L3MBTL4: variants seen among roughly 807,000 people sequenced by gnomAD.
L3MBTL4 encodes L3MBTL histone methyl-lysine binding protein 4, also known as lethal(3)malignant brain tumor-like protein 4.
In L3MBTL4, 70 loss-of-function variants were observed where a neutral mutation model predicts 84.5. The ratio of observed to expected loss-of-function variants is 0.83; its 90% CI spans 0.68 to 1.01. L3MBTL4 has a LOEUF of 1.01. Among genes scored for constraint, L3MBTL4 ranks in the 50% least tolerant of loss-of-function variants. L3MBTL4 has a pLI of 0.00. For synonymous variants in L3MBTL4, 274 were observed against 259.8 expected, an observed-to-expected ratio of 1.05 and a Z score of -0.52; for missense variants, 715 against 754.8, an observed-to-expected ratio of 0.95 and a Z score of 0.62.
chr18:6,405,411 C>T (rs2055686850), intron 1 of L3MBTL4, among the ~76,000 whole-genome samples: 1 of 152,232 alleles, frequency 6.6e-6, no homozygotes, highest in South Asian at 2.1e-4. Context: ...GCGACCTGCA[C>T]AAACAGCTCC....
chr18:6,171,714 T>A, intron 13 of L3MBTL4, 114 bp downstream of exon 13: 1 of 571,286 alleles, frequency 1.8e-6, no homozygotes, highest in East Asian at 3.1e-5. Flanking sequence ...TAGTGATTAA[T>A]TCGCCTATGT....
chr18:6,107,621 A>C (rs919600980), intron 14 of L3MBTL4, among the ~76,000 whole-genome samples: 1 of 152,214 alleles, frequency 6.6e-6, no homozygotes, highest in African/African-American at 2.4e-5. Flanking sequence ...GTGATGATAA[A>C]GATGGGAGGG....
Position 6,164,154 on chromosome 18 carries a change from G to A in L3MBTL4, c.1096+7674C>T, listed in dbSNP as rs2145066917. ...GGGTAGGGGCGCCCACCATTGCAGAGGCTTGAGTAGGTAAACAAAGAGGCC... is the reference window on the plus strand; with the variant it reads ...GGGTAGGGGCGCCCACCATTGCAGAAGCTTGAGTAGGTAAACAAAGAGGCC... On this transcript the variant is annotated intron_variant, in intron 13 of 18. Transcript: ENST00000317931. Among the ~76,000 whole-genome samples, 3 of 152,344 alleles carry A rather than the reference G, an allele frequency of 2.0e-5. 1 individual carries two copies. In the Middle Eastern group the frequency reaches 0.01, roughly 518 times the overall value.
chr18:6,071,776 AG>A (rs1444061081), intron 16 of L3MBTL4, among the ~76,000 whole-genome samples: 7 of 118,332 alleles, frequency 5.9e-5, no homozygotes, highest in African/African-American at 2.1e-4. Flanking sequence ...AAAGAAAGAA[AG>A]AAAGAAAGAA....
intron 1 of L3MBTL4, among the ~76,000 whole-genome samples, chr18:6,350,213 C>T (rs2053115898): frequency 6.6e-6 from 1 of 152,112 alleles, no homozygotes; most frequent in Admixed American, 6.5e-5. Flanking sequence ...ACAATGATGT[C>T]AAAAACGCAA....
At chr18:6,368,426 C>T (rs1350755426) in intron 1 of L3MBTL4, among the ~76,000 whole-genome samples, 2 of 152,040 alleles carry the variant, frequency 1.3e-5, no homozygotes, top group Non-Finnish European at 2.9e-5. Flanking sequence ...TGCTAGGGAC[C>T]CTGGGTGATA....
At chr18:6,379,491 A>T (rs2054509403) in intron 1 of L3MBTL4, among the ~76,000 whole-genome samples, 1 of 152,134 alleles carries the variant, frequency 6.6e-6, no homozygotes, top group Admixed American at 6.5e-5. Context: ...TATATGTTCC[A>T]TCGATACCTA....
intron 5 of L3MBTL4, chr18:6,258,514 GA>G: frequency 6.6e-6 from 1 of 152,566 alleles, no homozygotes; most frequent in Non-Finnish European, 1.5e-5. Context: ...GCTGGCCAGG[GA>G]AAATGTGAAG....
chr18:6,394,609 A>G (rs1007474351), intron 1 of L3MBTL4, among the ~76,000 whole-genome samples: 7 of 152,214 alleles, frequency 4.6e-5, no homozygotes. Context: ...TGATGTACAC[A>G]AACATCTACA....
chr18:6,051,547 A>G (rs2056839999), intron 16 of L3MBTL4, among the ~76,000 whole-genome samples: 1 of 152,180 alleles, frequency 6.6e-6, no homozygotes, highest in South Asian at 2.1e-4. Flanking sequence ...TCAAAAAAAA[A>G]AAAAGGAAGA....
intron 12 of L3MBTL4, among the ~76,000 whole-genome samples, chr18:6,200,537 A>C (rs1467486458): frequency 2.6e-5 from 4 of 152,232 alleles, no homozygotes; most frequent in Admixed American, 2.6e-4. Flanking sequence ...TCAGAATTCC[A>C]GCCATTTATT....
At chr18:6,274,052 C>A (rs2048981498) in intron 4 of L3MBTL4, among the ~76,000 whole-genome samples, 1 of 152,192 alleles carries the variant, frequency 6.6e-6, no homozygotes, top group Non-Finnish European at 1.5e-5. Flanking sequence ...GTTTGAGAAT[C>A]ATTGTTCTAC....
Position 5,961,831 on chromosome 18 carries a change from CT to C in L3MBTL4, c.1615-1676del, listed in dbSNP as rs1359828168. Among the ~76,000 whole-genome samples, 11 of 152,290 alleles carry C rather than the reference CT, an allele frequency of 7.2e-5. No individual in the cohort carries two copies. In the East Asian group the frequency reaches 2.1e-3, roughly 29 times the overall value. ...ATGTAGAGCACGTGCTCAGTATTTG[CT>C]GGGAGCTAGTGAAAGCTGTGGAATG... On this transcript the variant is annotated intron_variant, in intron 17 of 18. Coordinates refer to ENST00000317931, the MANE Select transcript of L3MBTL4 (RefSeq NM_001330559.2).
intron 16 of L3MBTL4, among the ~76,000 whole-genome samples, chr18:6,024,171 C>A (rs2055397318): frequency 6.6e-6 from 1 of 152,208 alleles, no homozygotes; most frequent in Non-Finnish European, 1.5e-5. Context: ...GCCACCACGT[C>A]CGGCCTTATT....
chr18:6,120,263 G>GT (rs2059484246), intron 14 of L3MBTL4, among the ~76,000 whole-genome samples: 2 of 152,150 alleles, frequency 1.3e-5, no homozygotes, highest in African/African-American at 4.8e-5. Context: ...CCAGGGGCCC[G>GT]GGGCCTGCTT....
chr18:6,361,020 TA>T (rs34239414), intron 1 of L3MBTL4, among the ~76,000 whole-genome samples: 19,496 of 109,938 alleles, frequency 0.18, 1,896 homozygotes, highest in East Asian at 0.33. Context: ...TCTACCTGAT[TA>T]AAAAAAAAAA....
At chr18:6,179,146 T>C (rs866235303) in intron 12 of L3MBTL4, among the ~76,000 whole-genome samples, 1 of 152,224 alleles carries the variant, frequency 6.6e-6, no homozygotes, top group African/African-American at 2.4e-5. Flanking sequence ...ATTGTTTTAT[T>C]TTGCTATAAA....
intron 1 of L3MBTL4, among the ~76,000 whole-genome samples, chr18:6,384,329 T>C (rs1206481456): frequency 1.3e-5 from 2 of 152,156 alleles, no homozygotes; most frequent in African/African-American, 4.8e-5. Context: ...TGTTCATGTA[T>C]ACAGACACAT....
At chr18:6,136,160 T>C (rs1188887149) in intron 14 of L3MBTL4, among the ~76,000 whole-genome samples, 1 of 152,152 alleles carries the variant, frequency 6.6e-6, no homozygotes, top group Admixed American at 6.6e-5. Flanking sequence ...CAATTACCTC[T>C]CCCTGGGTCC....
Sources: gnomAD v4.1 joint callset for allele counts (sites outside exome capture counted in the v4.1 genomes callset) on GRCh38, gnomAD v4.1.1 for gene constraint, MANE v1.5 for transcripts, NCBI Gene and HGNC (gene_info 2026-07-23, HGNC 2026-07-21) for gene names.